The following CRYBG1 variants were observed in gnomAD, a reference collection of about 807,000 sequenced individuals.
CRYBG1 encodes beta/gamma crystallin domain-containing protein 1.
CRYBG1 carries 139 observed loss-of-function variants against 189.2 expected under a neutral mutation model. The observed-to-expected ratio is 0.73, with a 90% CI of 0.64 to 0.85. The LOEUF (loss-of-function observed/expected upper bound fraction) is 0.85. Among genes scored for constraint, CRYBG1 ranks in the 40% least tolerant of loss-of-function variants. The pLI is 0.00. For synonymous variants in CRYBG1, 1,023 were observed against 1,017.1 expected (o/e 1.01, Z -0.11); for missense variants, 2,611 against 2,675.8 (o/e 0.98, Z 0.53).
At chr6:106,504,883 T>A (rs959387635) in intron 2 of CRYBG1, among the ~76,000 whole-genome samples, 1 of 152,028 alleles carries the variant, frequency 6.6e-6, no homozygotes, top group African/African-American at 2.4e-5. Context: ...CATACACTTA[T>A]CATGGGAAAA....
At chr6:106,482,358 C>A (rs1309620529) in intron 2 of CRYBG1, among the ~76,000 whole-genome samples, 1 of 114,046 alleles carries the variant, frequency 8.8e-6, no homozygotes, top group Non-Finnish European at 1.8e-5. Flanking sequence ...GCAAAAATCC[C>A]TACACCTTTG....
chr6:106,518,988 CACAT>C lies in CRYBG1; in HGVS notation c.1923-139_1923-136del, dbSNP rs1470974395. ...ACACATGTGTGCGCACACACACACA[CACAT>C]ACACACACACACACACCACACTCCA... is the stretch of plus-strand genomic sequence containing the variant. On this transcript the variant is annotated intron_variant, in intron 3 of 21. Coordinates refer to ENST00000633556, the MANE Select transcript of CRYBG1 (RefSeq NM_001371242.2). The C allele has an allele frequency of 1.9e-3, 771 of 415,634 alleles. 7 individuals are homozygous for C. Among genetic ancestry groups the C allele is most frequent in the Admixed American group, 0.013 (228 of 18,028 alleles). 25.7% of individuals were successfully genotyped at this position (415,634 alleles called of 1,614,324 possible). A position where few individuals can be genotyped will look rare whatever the true frequency, so the allele number is the denominator to read the frequency against.
At chr6:106,534,516 C>T (rs1344107212) in intron 8 of CRYBG1, among the ~76,000 whole-genome samples, 1 of 152,170 alleles carries the variant, frequency 6.6e-6, no homozygotes, top group Non-Finnish European at 1.5e-5. Context: ...TCTGTTGATG[C>T]ACTGGTTCCC....
intron 8 of CRYBG1, 30 bp from the exon 9 acceptor site, chr6:106,539,373 C>T (rs745587254): frequency 6.2e-7 from 1 of 1,610,018 alleles, no homozygotes; most frequent in Non-Finnish European, 8.5e-7. Context: ...GAGTCGGCTC[C>T]CTTTCTTTCC....
In CRYBG1 at chr6:106,525,295, T is replaced by G. The variant is rs748382538; in HGVS notation, c.4321T>G (p.Ser1441Ala). 6.2e-7 allele frequency: 1 copy of G among 1,614,054 alleles called. No homozygotes were observed. The highest frequency in any genetic ancestry group is 1.3e-5 in the African/African-American group (1 of 74,942). Residue 1441 changes from serine to alanine, a missense_variant, in exon 6 of 22, where the codon TCT becomes GCT. Around this residue, in one of 3 missense-constraint regions of CRYBG1, gnomAD observed 1,622 missense variants for 1,735.0 expected, o/e 0.93. Transcript: ENST00000633556. ...KVVIYSEPDV[S>A]EKCIEVFSDI... is the part of the protein sequence containing the mutation. ...AGTGATATATAGTGAACCCGACGTCTCTGAGAAGTGCATTGAAGTTTTCAG... is the reference window on the plus strand; with the variant it reads ...AGTGATATATAGTGAACCCGACGTCGCTGAGAAGTGCATTGAAGTTTTCAG...
chr6:106,375,429 A>G (rs2486818), intron 1 of CRYBG1, among the ~76,000 whole-genome samples: 1,011 of 99,254 alleles, frequency 0.01, 6 homozygotes, highest in East Asian at 0.025. Flanking sequence ...AAGTAAATAA[A>G]TAAATAAATA....
At chr6:106,539,274 C>T in intron 8 of CRYBG1, 129 bp from the exon 9 acceptor site, 2 of 1,057,494 alleles carry the variant, frequency 1.9e-6, no homozygotes, top group Admixed American at 2.5e-5. Context: ...CACCTGAGTC[C>T]AACCATTCAT....
Position 106,511,930 on chromosome 6 carries a change from C to T in CRYBG1, c.813C>T (p.Pro271=). 2 of 1,525,130 alleles carry T rather than the reference C, an allele frequency of 1.3e-6. No individual in the cohort carries two copies. The highest frequency in any genetic ancestry group is 1.8e-6 in the Non-Finnish European group (2 of 1,139,978). The allele number at this position is 1,525,130 out of a possible 1,614,324, so 94.5% of individuals were successfully genotyped here. A position where few individuals can be genotyped will look rare whatever the true frequency, so the allele number is the denominator to read the frequency against. The part of the protein sequence containing the change: ...NSSRQENAET[P]ARSPGEDASP... ...CCAGGCAAGAGAACGCAGAGACGCC[C>T]GCCCGCAGTCCGGGGGAGGACGCTT... The change falls in exon 3 of 22, where the codon CCC becomes CCT. Residue 271 remains proline, a synonymous_variant. Coordinates refer to ENST00000633556, the MANE Select transcript of CRYBG1 (RefSeq NM_001371242.2).
intron 2 of CRYBG1, among the ~76,000 whole-genome samples, chr6:106,505,921 C>T (rs894067787): frequency 6.6e-6 from 1 of 151,950 alleles, no homozygotes; most frequent in African/African-American, 2.4e-5. Flanking sequence ...CTTAGGGAAT[C>T]ACACGTGTTT....
At chr6:106,543,316 C>T in intron 10 of CRYBG1, 124 bp from the exon 11 acceptor site, 2 of 949,514 alleles carry the variant, frequency 2.1e-6, no homozygotes, top group Non-Finnish European at 3.2e-6. Context: ...AGGCGTGAGC[C>T]ACCGCGCCCA....
At chr6:106,493,940 T>A (rs1270076291) in intron 2 of CRYBG1, among the ~76,000 whole-genome samples, 1 of 151,994 alleles carries the variant, frequency 6.6e-6, no homozygotes, top group East Asian at 1.9e-4. Flanking sequence ...ATCCTGCACA[T>A]ATACCCTGGA....
chr6:106,374,881 G>A (rs1290992021), intron 1 of CRYBG1, among the ~76,000 whole-genome samples: 2 of 152,206 alleles, frequency 1.3e-5, no homozygotes, highest in African/African-American at 4.8e-5. Flanking sequence ...AATTAAACAT[G>A]TACTTACGAC....
intron 1 of CRYBG1, among the ~76,000 whole-genome samples, chr6:106,447,004 A>T (rs960972224): frequency 7.2e-5 from 11 of 152,248 alleles, no homozygotes; most frequent in Non-Finnish European, 1.5e-4. Flanking sequence ...TCTGAGTAAA[A>T]TCAAGTACCA....
chr6:106,445,295 A>T (rs927015), intron 1 of CRYBG1, among the ~76,000 whole-genome samples: 50,108 of 152,036 alleles, frequency 0.33, 8,638 homozygotes, highest in Middle Eastern at 0.47. Context: ...ATCTACTGAG[A>T]ATTTAAAATT....
rs1231603918 is a variant in CRYBG1 at position 106,511,633 on chromosome 6, C to A, written c.516C>A (p.Ser172Arg). ...AGAGTGAGAGGAGCAGATCTCAGAG[C>A]AGCCAACTGAAGCAAACGGACACAA... is the stretch of plus-strand genomic sequence containing the variant. ...ERESERSRSQ[S>R]SQLKQTDTSE... The change falls in exon 3 of 22, where the codon AGC becomes AGA. Residue 172 changes from serine to arginine, a missense_variant. This residue lies in a region of CRYBG1 where 985 missense variants were observed against 924.4 expected (regional missense o/e 1.07). Transcript: ENST00000633556. The A allele has an allele frequency of 3.6e-5, 56 of 1,535,698 alleles. No homozygotes were observed. The highest frequency in any genetic ancestry group is 4.5e-5 in the Non-Finnish European group (52 of 1,146,684).
At chr6:106,499,380 G>A (rs141474041) in intron 2 of CRYBG1, among the ~76,000 whole-genome samples, 4,264 of 146,240 alleles carry the variant, frequency 0.029, 75 homozygotes, top group Non-Finnish European at 0.039. Flanking sequence ...GGCTGGTCTC[G>A]AACTCCTGAC....
chr6:106,414,158 A>G (rs1028263960), intron 1 of CRYBG1, among the ~76,000 whole-genome samples: 4 of 152,226 alleles, frequency 2.6e-5, no homozygotes, highest in Admixed American at 2.6e-4. Flanking sequence ...TGGATACTTC[A>G]AAGATTCCTG....
intron 1 of CRYBG1, among the ~76,000 whole-genome samples, chr6:106,380,115 GA>G: frequency 6.6e-6 from 1 of 152,208 alleles, no homozygotes; most frequent in East Asian, 1.9e-4. Context: ...TTTCAAAAAA[GA>G]AAAACCCCAG....
intron 2 of CRYBG1, 65 bp from the exon 3 acceptor site, chr6:106,511,365 T>C (rs1773253172): frequency 3.6e-6 from 5 of 1,382,830 alleles, no homozygotes; most frequent in Non-Finnish European, 4.8e-6. Flanking sequence ...GGTTCTGTAA[T>C]GTACGTCTAA....
Sources: gnomAD v4.1 joint callset for allele counts (sites outside exome capture counted in the v4.1 genomes callset) on GRCh38, gnomAD v4.1.1 for gene constraint, gnomAD v4.1.1 regional missense constraint, MANE v1.5 for transcripts, NCBI Gene and HGNC (gene_info 2026-07-23, HGNC 2026-07-21) for gene names.